RASAL2: variants seen among roughly 807,000 people sequenced by gnomAD.
RASAL2 encodes the protein ras GTPase-activating protein nGAP.
RASAL2 carries 58 observed loss-of-function variants against 128.9 expected under a neutral mutation model. The observed-to-expected ratio is 0.45, with a 90% CI of 0.36 to 0.56. The LOEUF (loss-of-function observed/expected upper bound fraction) is 0.56. Among genes scored for constraint, RASAL2 ranks in the 20% least tolerant of loss-of-function variants. The probability of loss-of-function intolerance (pLI) is 0.00; values close to 1 mark genes in which losing one functional copy is unlikely to be tolerated. For synonymous variants in RASAL2, 561 were observed against 580.8 expected (o/e 0.97, Z 0.49); for missense variants, 1,360 against 1,601.6 (o/e 0.85, Z 2.57).
chr1:178,110,637 C>CATATATATATATATAT (rs1553250958), intron 1 of RASAL2, among the ~76,000 whole-genome samples: 17 of 15,642 alleles, frequency 1.1e-3, no homozygotes, highest in South Asian at 8.6e-3. Context: ...ATAGTGTATA[C>CATATATATATATATAT]ATATATATAT....
chr1:178,135,393 A>T (rs1660283280), intron 1 of RASAL2, among the ~76,000 whole-genome samples: 1 of 148,694 alleles, frequency 6.7e-6, no homozygotes, highest in African/African-American at 2.5e-5. Context: ...GTCCCCTTGT[A>T]TTTCCAGAAT....
chr1:178,465,828 AAAAGAAAGAAAGAG>A (rs143274139), intron 15 of RASAL2, 78 bp from the exon 16 acceptor site: 59,267 of 1,192,636 alleles, frequency 0.05, 1,651 homozygotes, highest in South Asian at 0.082. Flanking sequence ...GAAAAAGAAA[AAAAGAAAGAAAGAG>A]AAAGAAAGAA....
chr1:178,214,490 A>G (rs1302433549), intron 1 of RASAL2, among the ~76,000 whole-genome samples: 11 of 152,070 alleles, frequency 7.2e-5, no homozygotes, highest in Non-Finnish European at 1.6e-4. Context: ...GCAGTCAAGT[A>G]TGTTTCACAT....
chr1:178,127,171 A>G lies in RASAL2; in HGVS notation c.202+32477A>G, dbSNP rs566567084. ...ACAGTATAGTGGCTTGAAGATAGAG[A>G]CTTATCAAAGGTTATACCTGGTTTT... On this transcript the variant is annotated intron_variant, in intron 1 of 17. Transcript: ENST00000367649. 1.5e-3 allele frequency among the ~76,000 whole-genome samples: 234 copies of G among 152,242 alleles called. 1 individual carries two copies. Among genetic ancestry groups the G allele is most frequent in the African/African-American group, 5.4e-3 (224 of 41,546 alleles).
chr1:178,190,072 C>G (rs993999947), intron 1 of RASAL2, among the ~76,000 whole-genome samples: 1 of 143,202 alleles, frequency 7.0e-6, no homozygotes, highest in Non-Finnish European at 1.5e-5. Context: ...GTTCACAGGA[C>G]AGCTTTCCTT....
rs1326921056 is a variant in RASAL2, at chr1:178,110,590, CT to C, written c.202+15897del. On this transcript the variant is annotated intron_variant, in intron 1 of 17. Transcript: ENST00000367649. ...ATATAGCATATGTAGTATATATATG[CT>C]ATATATACTGTATATATACACTATA... is the stretch of plus-strand genomic sequence containing the variant. 4.3e-5 allele frequency among the ~76,000 whole-genome samples: 6 copies of C among 140,242 alleles called. No homozygotes were observed. The South Asian group carries it at 1.1e-3, about 26-fold the overall frequency. The allele number at this position is 140,242 out of a possible 152,430, so 92.0% of individuals were successfully genotyped here.
At chr1:178,196,696 G>A (rs1202072618) in intron 1 of RASAL2, among the ~76,000 whole-genome samples, 1 of 152,136 alleles carries the variant, frequency 6.6e-6, no homozygotes, top group East Asian at 1.9e-4. Context: ...AAGCATCCTT[G>A]GATTCTGGTA....
At chr1:178,408,070 C>A (rs1437770620) in intron 4 of RASAL2, among the ~76,000 whole-genome samples, 1 of 152,096 alleles carries the variant, frequency 6.6e-6, no homozygotes. Context: ...ATAATGAATA[C>A]CAACTAATTA....
chr1:178,350,387 A>ATTTTT (rs1670399749), intron 3 of RASAL2, among the ~76,000 whole-genome samples: 1 of 152,028 alleles, frequency 6.6e-6, no homozygotes, highest in Non-Finnish European at 1.5e-5. Context: ...CACCTGGCTA[A>ATTTTT]TTTTTTGTTT....
chr1:178,458,638 C>G, intron 14 of RASAL2, 94 bp downstream of exon 14: 1 of 1,461,090 alleles, frequency 6.8e-7, no homozygotes, highest in Non-Finnish European at 9.1e-7. Flanking sequence ...CTATTGTTAA[C>G]AAGATTTCCT....
chr1:178,217,090 C>T (rs963696427), intron 1 of RASAL2, among the ~76,000 whole-genome samples: 5 of 152,126 alleles, frequency 3.3e-5, no homozygotes, highest in African/African-American at 1.2e-4. Context: ...GTTCTCCTGC[C>T]TCAGCCCACC....
intron 1 of RASAL2, among the ~76,000 whole-genome samples, chr1:178,098,586 C>T (rs754297412): frequency 3.3e-5 from 5 of 152,060 alleles, no homozygotes; most frequent in African/African-American, 4.8e-5. Context: ...GGATTGCCTG[C>T]GGTGGAGCTC....
rs371313738 is a variant in RASAL2 at position 178,453,962 on chromosome 1, G to A, written c.2010-485G>A. 4.0e-5 allele frequency among the ~76,000 whole-genome samples: 6 copies of A among 151,804 alleles called. No individual in the cohort carries two copies. In the South Asian group the frequency reaches 8.3e-4, roughly 21 times the overall value. On this transcript the variant is annotated intron_variant, in intron 11 of 17. Coordinates refer to ENST00000367649, the MANE Select transcript of RASAL2 (RefSeq NM_170692.4). ...CTAAAAATATTTATATTTTATTTTGGAACAGGTTTTATGGACTTAAACTAG... is the reference window on the plus strand; with the variant it reads ...CTAAAAATATTTATATTTTATTTTGAAACAGGTTTTATGGACTTAAACTAG...
At chr1:178,110,560 A>G in intron 1 of RASAL2, among the ~76,000 whole-genome samples, 1 of 146,526 alleles carries the variant, frequency 6.8e-6, no homozygotes, top group East Asian at 2.0e-4. Context: ...GTGTATATAT[A>G]GTATATATAG....
At chr1:178,299,890 T>C (rs1244123349) in intron 2 of RASAL2, 102 bp from the exon 3 acceptor site, 6 of 1,210,474 alleles carry the variant, frequency 5.0e-6, no homozygotes, top group Non-Finnish European at 7.0e-6. Context: ...CCTTACTCTT[T>C]GTTACACACT....
chr1:178,296,529 T>G (rs1667514896), intron 2 of RASAL2, among the ~76,000 whole-genome samples: 1 of 151,718 alleles, frequency 6.6e-6, no homozygotes. Context: ...CTGGCTGATT[T>G]TTATTTTTTA....
chr1:178,202,386 G>T lies in RASAL2; in HGVS notation c.203-81178G>T, dbSNP rs145929574. ...GCTGACAGAGGAAGAGAAGACTAAGGCCTGGTTCACAGATGGTTCTGCACA... is the reference window on the plus strand; with the variant it reads ...GCTGACAGAGGAAGAGAAGACTAAGTCCTGGTTCACAGATGGTTCTGCACA... On this transcript the variant is annotated intron_variant, in intron 1 of 17. Coordinates refer to ENST00000367649, the MANE Select transcript of RASAL2 (RefSeq NM_170692.4). 2.1e-3 allele frequency among the ~76,000 whole-genome samples: 318 copies of T among 152,288 alleles called. 2 individuals carry two copies. Among genetic ancestry groups the T allele is most frequent in the African/African-American group, 7.1e-3 (295 of 41,572 alleles).
intron 1 of RASAL2, among the ~76,000 whole-genome samples, chr1:178,212,114 G>A (rs1038293809): frequency 6.6e-6 from 1 of 152,052 alleles, no homozygotes; most frequent in African/African-American, 2.4e-5. Context: ...TAGGATTCTG[G>A]TAGATGTAGA....
intron 4 of RASAL2, chr1:178,411,740 A>C: frequency 1.3e-6 from 1 of 799,758 alleles, no homozygotes; most frequent in South Asian, 1.3e-5. Flanking sequence ...GGTGGGATGA[A>C]GGTGAAGGCA....
Sources: gnomAD v4.1 joint callset for allele counts (sites outside exome capture counted in the v4.1 genomes callset) on GRCh38, gnomAD v4.1.1 for gene constraint, MANE v1.5 for transcripts, NCBI Gene and HGNC (gene_info 2026-07-23, HGNC 2026-07-21) for gene names.